LUZP2: variants seen among roughly 807,000 people sequenced by gnomAD.
The protein encoded by LUZP2 is leucine zipper protein 2.
Under a neutral mutation model 51.6 loss-of-function variants are expected in LUZP2, and 52 were observed. The ratio of observed to expected loss-of-function variants is 1.01; its 90% CI spans 0.81 to 1.27. LUZP2 has a LOEUF of 1.27. Ranked by LOEUF, LUZP2 falls within the 50% of genes most tolerant of loss-of-function variation. The pLI is 0.00. For synonymous variants in LUZP2, 154 were observed against 137.3 expected, an observed-to-expected ratio of 1.12 and a Z score of -0.85; for missense variants, 436 against 395.4, an observed-to-expected ratio of 1.10 and a Z score of -0.87.
intron 1 of LUZP2, among the ~76,000 whole-genome samples, chr11:24,568,389 A>G (rs1852318291): frequency 6.6e-6 from 1 of 151,086 alleles, no homozygotes; most frequent in South Asian, 2.1e-4. Context: ...AGATTATTAT[A>G]TTAACATGAG....
At chr11:24,954,463 C>G (rs964086151) in intron 7 of LUZP2, among the ~76,000 whole-genome samples, 2 of 152,010 alleles carry the variant, frequency 1.3e-5, no homozygotes, top group Non-Finnish European at 1.5e-5. Flanking sequence ...TGTCATCTGG[C>G]ACCCCTGGTC....
intron 7 of LUZP2, among the ~76,000 whole-genome samples, chr11:24,956,947 C>T (rs1855228924): frequency 6.6e-6 from 1 of 152,082 alleles, no homozygotes; most frequent in Non-Finnish European, 1.5e-5. Flanking sequence ...AATACAAACA[C>T]CAACATTTTT....
intron 1 of LUZP2, among the ~76,000 whole-genome samples, chr11:24,551,680 T>TACTATGA (rs1851728796): frequency 2.0e-5 from 3 of 151,990 alleles, no homozygotes; most frequent in Non-Finnish European, 4.4e-5. Flanking sequence ...TCATAGTAAT[T>TACTATGA]CATAATTGGA....
At chr11:24,666,034 T>G (rs537909854) in intron 1 of LUZP2, among the ~76,000 whole-genome samples, 4 of 152,252 alleles carry the variant, frequency 2.6e-5, no homozygotes, top group Non-Finnish European at 4.4e-5. Context: ...GTCTGATCAT[T>G]TATCAAACAT....
At chr11:24,753,165 A>G (rs1373368857) in intron 4 of LUZP2, among the ~76,000 whole-genome samples, 1 of 152,216 alleles carries the variant, frequency 6.6e-6, no homozygotes, top group Non-Finnish European at 1.5e-5. Flanking sequence ...GAACATGAAC[A>G]TAAGCAGATA....
chr11:24,891,138 C>T (rs1852840816), intron 5 of LUZP2: 1 of 983,884 alleles, frequency 1.0e-6, no homozygotes, highest in Non-Finnish European at 1.2e-6. Context: ...AATACTATTT[C>T]CCCTAAAATT....
chr11:24,528,535 T>G, intron 1 of LUZP2, among the ~76,000 whole-genome samples: 1 of 151,346 alleles, frequency 6.6e-6, no homozygotes, highest in Non-Finnish European at 1.5e-5. Flanking sequence ...ACTTTAAGTT[T>G]TAGGGTACAC....
At chr11:25,056,822 C>T (rs915579289) in intron 10 of LUZP2, among the ~76,000 whole-genome samples, 2 of 152,098 alleles carry the variant, frequency 1.3e-5, no homozygotes, top group East Asian at 1.9e-4. Flanking sequence ...GAGAAATTGC[C>T]GGGCGCCGTG....
chr11:24,975,394 TAAG>T (rs1431103060), intron 7 of LUZP2, among the ~76,000 whole-genome samples: 2 of 152,052 alleles, frequency 1.3e-5, no homozygotes, highest in Non-Finnish European at 2.9e-5. Flanking sequence ...GTAAACAATT[TAAG>T]AATATAAGTT....
At chr11:24,511,640 G>A (rs771027898) in intron 1 of LUZP2, among the ~76,000 whole-genome samples, 7 of 152,108 alleles carry the variant, frequency 4.6e-5, no homozygotes, top group Admixed American at 1.3e-4. Flanking sequence ...AACTTAGGGC[G>A]TGCTATCTGA....
At chr11:24,895,043 T>A (rs11028260) in intron 5 of LUZP2, among the ~76,000 whole-genome samples, 87,604 of 151,972 alleles carry the variant, frequency 0.58, 25,656 homozygotes, top group East Asian at 0.78. Flanking sequence ...GGCAAGACAT[T>A]AGACTGGTGA....
At chr11:24,918,879 A>G (rs1301687517) in intron 7 of LUZP2, among the ~76,000 whole-genome samples, 1 of 146,666 alleles carries the variant, frequency 6.8e-6, no homozygotes, top group African/African-American at 2.5e-5. Context: ...TATCCATAAT[A>G]TATATTATAT....
intron 10 of LUZP2, among the ~76,000 whole-genome samples, chr11:25,053,629 T>C (rs960080161): frequency 2.0e-5 from 3 of 152,066 alleles, no homozygotes; most frequent in Non-Finnish European, 4.4e-5. Context: ...TTGTATTTGT[T>C]TGTACCTTTT....
chr11:24,773,456 G>A (rs761477780), intron 5 of LUZP2, among the ~76,000 whole-genome samples: 1 of 152,138 alleles, frequency 6.6e-6, no homozygotes, highest in Non-Finnish European at 1.5e-5. Context: ...TTCCTAGAGA[G>A]GTGTGGAACA....
intron 1 of LUZP2, among the ~76,000 whole-genome samples, chr11:24,616,174 G>T (rs1488871184): frequency 6.6e-6 from 1 of 151,766 alleles, no homozygotes; most frequent in Non-Finnish European, 1.5e-5. Flanking sequence ...CTTTAACAGG[G>T]TCTTTCGCAG....
chr11:24,842,686 A>T (rs1237687109), intron 5 of LUZP2, among the ~76,000 whole-genome samples: 1 of 151,980 alleles, frequency 6.6e-6, no homozygotes, highest in Non-Finnish European at 1.5e-5. Context: ...TTGGTCAGGG[A>T]AGAAATAATA....
At chr11:24,673,807 T>G (rs1856468507) in intron 1 of LUZP2, among the ~76,000 whole-genome samples, 1 of 152,212 alleles carries the variant, frequency 6.6e-6, no homozygotes. Context: ...CTCTTTCTTT[T>G]TAAAGCAAAG....
At chr11:24,632,621 G>T (rs1479470050) in intron 1 of LUZP2, among the ~76,000 whole-genome samples, 1 of 151,896 alleles carries the variant, frequency 6.6e-6, no homozygotes, top group African/African-American at 2.4e-5. Flanking sequence ...CTGCTCATCA[G>T]GGCAATCCTA....
At chr11:24,588,228 C>A (rs1055602916) in intron 1 of LUZP2, among the ~76,000 whole-genome samples, 1 of 151,890 alleles carries the variant, frequency 6.6e-6, no homozygotes, top group Non-Finnish European at 1.5e-5. Context: ...CTGAGTCATC[C>A]TTGAATCATA....
Sources: allele counts gnomAD v4.1 joint callset (sites outside exome capture counted in the v4.1 genomes callset), GRCh38; gene constraint gnomAD v4.1.1; transcripts MANE v1.5; gene names NCBI Gene and HGNC (gene_info 2026-07-23, HGNC 2026-07-21).